Variants in ABCG2 observed in about 807,000 individuals in gnomAD.
The protein encoded by ABCG2 is ATP binding cassette subfamily G member 2 (JR blood group).
Under a neutral mutation model 73.5 loss-of-function variants are expected in ABCG2, and 80 were observed. The observed-to-expected ratio is 1.09, with a 90% CI of 0.91 to 1.31. The LOEUF is 1.31. Among genes scored for constraint, ABCG2 ranks in the 50% most tolerant of loss-of-function variants. ABCG2 has a pLI of 0.00. For synonymous variants in ABCG2, 269 were observed against 282.4 expected, an observed-to-expected ratio of 0.95 and a Z score of 0.48; for missense variants, 796 against 786.2, an observed-to-expected ratio of 1.01 and a Z score of -0.15.
intron 1 of ABCG2, among the ~76,000 whole-genome samples, chr4:88,216,222 G>A (rs1353497152): frequency 6.6e-6 from 1 of 152,210 alleles, no homozygotes; most frequent in Non-Finnish European, 1.5e-5. Flanking sequence ...AGTGACTTAT[G>A]AGCCGTGGCT....
At chr4:88,109,003 T>A (rs1407355716) in intron 9 of ABCG2, among the ~76,000 whole-genome samples, 1 of 145,666 alleles carries the variant, frequency 6.9e-6, no homozygotes, top group Non-Finnish European at 1.5e-5. Flanking sequence ...AATTCAGGAT[T>A]TTTTTTTTTT....
In ABCG2 at chr4:88,097,499, A is replaced by G; in HGVS notation, c.1601T>C (p.Val534Ala). The change falls in exon 13 of 16, where the codon GTT (valine) becomes GCT (alanine). Residue 534 changes from valine (V) to alanine (A), a missense_variant. Coordinates refer to ENST00000237612, the MANE Select transcript of ABCG2 (RefSeq NM_004827.3). Reference protein sequence around the residue: ...ALAIAAGQSVVSVATLLMTIC... With the variant: ...ALAIAAGQSVASVATLLMTIC... The stretch of plus-strand genomic sequence containing the variant: ...GGTCATGAGAAGTGTTGCTACAGAA[A>G]CCACACTCTGACCTGCTGCTATGGC... The G allele has an allele frequency of 3.1e-6, 5 of 1,614,178 alleles. No individual in the cohort carries two copies. Among genetic ancestry groups the G allele is most frequent in the African/African-American group, 2.7e-5 (2 of 75,054 alleles).
At chr4:88,212,190 T>C (rs531252583) in intron 1 of ABCG2, among the ~76,000 whole-genome samples, 2 of 152,320 alleles carry the variant, frequency 1.3e-5, no homozygotes, top group African/African-American at 4.8e-5. Context: ...CTGATATTGC[T>C]TATTCTGAGA....
At chr4:88,160,857 A>AAAC (rs1727268886), upstream of ABCG2, among the ~76,000 whole-genome samples, 8 of 151,038 alleles carry the variant, frequency 5.3e-5, no homozygotes, top group South Asian at 1.7e-3. Flanking sequence ...TCAAAAAAAA[A>AAAC]AAAAAAAAAA....
intron 10 of ABCG2, among the ~76,000 whole-genome samples, chr4:88,102,638 G>C (rs1373445157): frequency 6.6e-6 from 1 of 151,112 alleles, no homozygotes; most frequent in Admixed American, 6.6e-5. Flanking sequence ...AAAGGAAAAT[G>C]CTAAGTTAAT....
chr4:88,187,089 G>C (rs1441061842), intron 1 of ABCG2, among the ~76,000 whole-genome samples: 4 of 58,590 alleles, frequency 6.8e-5, no homozygotes, highest in Admixed American at 3.3e-4. Context: ...GCAAGATTCT[G>C]TCTCAAAAAA....
chr4:88,190,150 T>C (rs1728627047), intron 1 of ABCG2, among the ~76,000 whole-genome samples: 1 of 149,382 alleles, frequency 6.7e-6, no homozygotes, highest in Admixed American at 6.6e-5. Context: ...GTTGGGTTTC[T>C]TTTTTCTTTT....
intron 1 of ABCG2, among the ~76,000 whole-genome samples, chr4:88,154,481 G>A (rs2110077564): frequency 1.3e-5 from 2 of 152,312 alleles, no homozygotes; most frequent in African/African-American, 4.8e-5. Flanking sequence ...CGGTAGTGGA[G>A]GGGGGCAGAG....
chr4:88,095,892 T>G (rs1014419639), intron 13 of ABCG2, among the ~76,000 whole-genome samples: 28 of 152,198 alleles, frequency 1.8e-4, no homozygotes, highest in Non-Finnish European at 1.3e-4. Context: ...GTCAAGACTA[T>G]GTACTCAACT....
intron 9 of ABCG2, among the ~76,000 whole-genome samples, chr4:88,108,010 C>G (rs1722873959): frequency 6.6e-6 from 1 of 152,212 alleles, no homozygotes; most frequent in Non-Finnish European, 1.5e-5. Context: ...GCCAATGCTG[C>G]AGACCTAAGC....
Position 88,202,091 on chromosome 4 carries a change from T to C in ABCG2, c.-20+28903A>G, listed in dbSNP as rs554127329. On this transcript the variant is annotated intron_variant, in intron 1 of 15. Coordinates refer to the ABCG2 transcript ENST00000515655. The stretch of plus-strand genomic sequence containing the variant: ...AGAAGCCAAGATCACAAAATGAATA[T>C]CGGTGAAGTATCATTTTGCTTACCT... Among the ~76,000 whole-genome samples the C allele has an allele frequency of 3.3e-5, 5 of 151,896 alleles. No individual in the cohort carries two copies. The South Asian group carries it at 8.3e-4, about 25-fold the overall frequency.
Position 88,111,627 on chromosome 4 carries a change from C to T in ABCG2, c.1194+1676G>A, listed in dbSNP as rs552359602. On this transcript the variant is annotated intron_variant, in intron 9 of 15. Coordinates refer to ENST00000237612, the MANE Select transcript of ABCG2 (RefSeq NM_004827.3). ...AGAAATTATGATGCACAAGTTTAAA[C>T]GTCAGTAATATTTTACTAGAGCCAA... Among the ~76,000 whole-genome samples the T allele has an allele frequency of 5.3e-5, 8 of 152,106 alleles. No individual in the cohort carries two copies. The South Asian group carries it at 6.2e-4, about 12-fold the overall frequency.
intron 2 of ABCG2, among the ~76,000 whole-genome samples, chr4:88,135,714 C>A (rs1009528031): frequency 6.6e-6 from 1 of 152,186 alleles, no homozygotes; most frequent in South Asian, 2.1e-4. Flanking sequence ...CAATGTCCTG[C>A]ACTAGCAGGC....
chr4:88,192,968 C>T (rs1728758517), intron 1 of ABCG2, among the ~76,000 whole-genome samples: 1 of 152,218 alleles, frequency 6.6e-6, no homozygotes, highest in Admixed American at 6.5e-5. Context: ...CCGCCTCAGC[C>T]TCCCAAAGTG....
chr4:88,203,719 A>C (rs368688349), intron 1 of ABCG2, among the ~76,000 whole-genome samples: 51 of 148,398 alleles, frequency 3.4e-4, no homozygotes, highest in Middle Eastern at 3.5e-3. Flanking sequence ...GTGCCATTGC[A>C]CTCCAGCCTG....
chr4:88,220,809 G>A (rs949028626), intron 1 of ABCG2, among the ~76,000 whole-genome samples: 2 of 152,084 alleles, frequency 1.3e-5, no homozygotes, highest in Non-Finnish European at 2.9e-5. Flanking sequence ...GAGATCTGAT[G>A]GTTTTATAAG....
chr4:88,182,713 G>A (rs1578261312), intron 1 of ABCG2, among the ~76,000 whole-genome samples: 1 of 152,222 alleles, frequency 6.6e-6, no homozygotes, highest in South Asian at 2.1e-4. Flanking sequence ...AATGATAATG[G>A]AAATACAACA....
chr4:88,128,109 A>G (rs933574442), intron 5 of ABCG2, among the ~76,000 whole-genome samples: 2 of 152,222 alleles, frequency 1.3e-5, no homozygotes, highest in Non-Finnish European at 2.9e-5. Context: ...AAATTGGGCA[A>G]AGGATATGAA....
At chr4:88,114,195 A>G (rs1723364050) in intron 8 of ABCG2, among the ~76,000 whole-genome samples, 1 of 152,100 alleles carries the variant, frequency 6.6e-6, no homozygotes, top group Non-Finnish European at 1.5e-5. Flanking sequence ...GAGAAAAAGA[A>G]AGAAAAAGAA....
Sources: gnomAD v4.1 joint callset for allele counts (sites outside exome capture counted in the v4.1 genomes callset) on GRCh38, gnomAD v4.1.1 for gene constraint, MANE v1.5 for transcripts, NCBI Gene and HGNC (gene_info 2026-07-23, HGNC 2026-07-21) for gene names.